The following OCIAD1 variants were observed in gnomAD, a reference collection of about 807,000 sequenced individuals.
OCIAD1 encodes OCIA domain containing 1.
In OCIAD1, 29 loss-of-function variants were observed where a neutral mutation model predicts 38.9. That is an observed-to-expected ratio of 0.74 (90% CI 0.55 to 1.02). The LOEUF (loss-of-function observed/expected upper bound fraction) is 1.02, where lower values mean the gene tolerates loss of function less well. OCIAD1 is among the 50% of genes least tolerant of loss of function. The pLI, the probability that OCIAD1 is intolerant of heterozygous loss-of-function variation, is 0.00. For missense variants in OCIAD1, 288 were observed against 289.6 expected (o/e 0.99, Z 0.04); for synonymous variants, 110 against 92.0 (o/e 1.20, Z -1.12).
intron 1 of OCIAD1, among the ~76,000 whole-genome samples, chr4:48,821,651 G>A (rs1777195098): frequency 6.6e-6 from 1 of 152,112 alleles, no homozygotes; most frequent in Non-Finnish European, 1.5e-5. Context: ...AAACCACATT[G>A]TCTCAGCCCA....
At chr4:48,845,738 T>A (rs1017810743) in intron 4 of OCIAD1, among the ~76,000 whole-genome samples, 2 of 152,142 alleles carry the variant, frequency 1.3e-5, no homozygotes, top group Non-Finnish European at 2.9e-5. Context: ...CATGACTGAG[T>A]GGTGTTAGTA....
intron 1 of OCIAD1, among the ~76,000 whole-genome samples, chr4:48,808,488 GAAA>G (rs942641464): frequency 6.8e-6 from 1 of 146,594 alleles, no homozygotes; most frequent in Non-Finnish European, 1.5e-5. Flanking sequence ...AAAAAACAAA[GAAA>G]AAAAAAAGGA....
rs1415642763 is a variant in OCIAD1, at chr4:48,814,255, T to A, written c.-103+8925T>A. Among the ~76,000 whole-genome samples, 50 of 150,798 alleles carry A rather than the reference T, an allele frequency of 3.3e-4. No individual in the cohort carries two copies. In the East Asian group the frequency reaches 8.9e-3, roughly 27 times the overall value. On this transcript the variant is annotated intron_variant, in intron 1 of 6. Transcript: ENST00000504654. ...TGTGGAGGGGTTTTTTTTTTTTTTTTAATCCTTGCCTCTGCCTGAAAATGA... is the reference window on the plus strand; with the variant it reads ...TGTGGAGGGGTTTTTTTTTTTTTTTAAATCCTTGCCTCTGCCTGAAAATGA...
At position 48,861,232 on chromosome 4, in the gene OCIAD1, TGTAAA is replaced by T. The variant is rs551343824; in HGVS notation, c.*472_*476del. ...ATCTTAATGTTTATGGCAAATAAAA[TGTAAA>T]GGAACATGCAACAGCCCTCATCTTC... On this transcript the variant is annotated 3_prime_UTR_variant, in exon 9 of 9. Coordinates refer to ENST00000264312, the MANE Select transcript of OCIAD1 (RefSeq NM_017830.4). The T allele has an allele frequency of 1.6e-3, 252 of 153,300 alleles. No individual in the cohort carries two copies. Among genetic ancestry groups the T allele is most frequent in the Middle Eastern group, 3.3e-3 (1 of 300 alleles). 9.5% of individuals were successfully genotyped at this position (153,300 alleles called of 1,614,324 possible).
At position 48,833,390 on chromosome 4, in the gene OCIAD1, C is replaced by G; in HGVS notation, c.59-11C>G. On this transcript the variant is annotated splice_polypyrimidine_tract_variant and intron_variant, in intron 2 of 8. Coordinates refer to ENST00000264312, the MANE Select transcript of OCIAD1 (RefSeq NM_017830.4). The stretch of plus-strand genomic sequence containing the variant: ...ATAATTTAATGTTTTCTGATTTTCC[C>G]TGGTAAAAAGACATAGGGCCTGATT... 1 of 1,510,146 alleles carries G rather than the reference C, an allele frequency of 6.6e-7. No individual in the cohort carries two copies. The highest frequency in any genetic ancestry group is 1.7e-4 in the Middle Eastern group (1 of 5,796). The allele number at this position is 1,510,146 out of a possible 1,614,324, so 93.5% of individuals were successfully genotyped here. A position where few individuals can be genotyped will look rare whatever the true frequency, so the allele number is the denominator to read the frequency against.
At chr4:48,852,114 T>G in intron 7 of OCIAD1, 139 bp downstream of exon 7, 1 of 640,962 alleles carries the variant, frequency 1.6e-6, no homozygotes, top group Non-Finnish European at 2.6e-6. Flanking sequence ...TGTTTGTTCA[T>G]TTGTTTCTTC....
At chr4:48,831,270 A>G (rs1429830235) in intron 1 of OCIAD1, 21 bp downstream of exon 1, 1 of 347,372 alleles carries the variant, frequency 2.9e-6, no homozygotes, top group East Asian at 7.7e-5. Flanking sequence ...TGACGCAAAC[A>G]GCCCCGTTGT....
At chr4:48,820,158 C>T (rs115505504) in intron 1 of OCIAD1, among the ~76,000 whole-genome samples, 2,796 of 152,130 alleles carry the variant, frequency 0.018, 40 homozygotes, top group Non-Finnish European at 0.029. Flanking sequence ...GAAGTAAAAC[C>T]CTCCTTAGCA....
intron 4 of OCIAD1, among the ~76,000 whole-genome samples, chr4:48,845,202 C>T (rs567856251): frequency 6.1e-4 from 93 of 152,300 alleles, no homozygotes; most frequent in African/African-American, 2.2e-3. Context: ...CCAACTGCCT[C>T]ATATTTGAAG....
At chr4:48,823,254 G>A (rs1777212296) in intron 1 of OCIAD1, among the ~76,000 whole-genome samples, 1 of 152,164 alleles carries the variant, frequency 6.6e-6, no homozygotes, top group South Asian at 2.1e-4. Flanking sequence ...CATGGTTGAA[G>A]CTGGAAACCA....
intron 7 of OCIAD1, among the ~76,000 whole-genome samples, chr4:48,853,476 A>AT (rs1051211590): frequency 6.6e-6 from 1 of 152,070 alleles, no homozygotes; most frequent in African/African-American, 2.4e-5. Flanking sequence ...TGGATAAGGG[A>AT]TTATGGACCT....
intron 1 of OCIAD1, among the ~76,000 whole-genome samples, chr4:48,820,711 G>A (rs1272360663): frequency 6.6e-6 from 1 of 152,056 alleles, no homozygotes; most frequent in Non-Finnish European, 1.5e-5. Flanking sequence ...AAATGATAAA[G>A]GTGATATCAC....
intron 3 of OCIAD1, among the ~76,000 whole-genome samples, chr4:48,841,213 C>T (rs2712156): frequency 0.42 from 63,081 of 151,936 alleles, 14,428 homozygotes; most frequent in Admixed American, 0.58. Flanking sequence ...AGAGATTGGC[C>T]CACAAAACCC....
chr4:48,811,898 T>C (rs1315852237), intron 1 of OCIAD1, among the ~76,000 whole-genome samples: 1 of 151,808 alleles, frequency 6.6e-6, no homozygotes, highest in Non-Finnish European at 1.5e-5. Context: ...GACCAGGAAT[T>C]TGGTTTGAGG....
intron 7 of OCIAD1, among the ~76,000 whole-genome samples, chr4:48,852,882 G>GTTTTTTGTTTTTGTTTTTTTTTTTTTTT (rs1553901200): frequency 7.9e-6 from 1 of 126,338 alleles, no homozygotes; most frequent in African/African-American, 3.2e-5. Context: ...TTTGTTTTTT[G>GTTTTTTGTTTTTGTTTTTTTTTTTTTTT]TTTTTTTTTT....
chr4:48,858,522 T>C (rs1488028759), intron 8 of OCIAD1, among the ~76,000 whole-genome samples: 1 of 152,186 alleles, frequency 6.6e-6, no homozygotes, highest in Non-Finnish European at 1.5e-5. Context: ...GGTGTAATCA[T>C]GGCTTACTGC....
At chr4:48,839,548 A>G (rs1778334010) in intron 3 of OCIAD1, among the ~76,000 whole-genome samples, 1 of 152,158 alleles carries the variant, frequency 6.6e-6, no homozygotes, top group South Asian at 2.1e-4. Flanking sequence ...TCTGTGCTAT[A>G]CTTTTCTTAT....
chr4:48,826,700 T>C (rs528793637), upstream of OCIAD1, among the ~76,000 whole-genome samples: 1 of 152,344 alleles, frequency 6.6e-6, no homozygotes, highest in Admixed American at 6.5e-5. Flanking sequence ...ACAATTATTA[T>C]GTCAATTAAA....
At position 48,860,760 on chromosome 4, in the gene OCIAD1, T is replaced by C. The variant is rs1336042556; in HGVS notation, c.736T>C (p.Ter246ArgextTer20). ...CAAGTATGGAGATACTTGGGATGAGTGAAAAATTACATCATTGGACATGAA... is the reference window on the plus strand; with the variant it reads ...CAAGTATGGAGATACTTGGGATGAGCGAAAAATTACATCATTGGACATGAA... ...VNKYGDTWDE[*>R] is the part of the protein sequence containing the mutation. The change falls in exon 9 of 9, where the codon TGA becomes CGA. Residue 246 changes from the stop codon to arginine (R), a stop_lost. Coordinates refer to ENST00000264312, the MANE Select transcript of OCIAD1 (RefSeq NM_017830.4). 1 of 1,604,238 alleles carries C rather than the reference T, an allele frequency of 6.2e-7. No homozygotes were observed. Among genetic ancestry groups the C allele is most frequent in the East Asian group, 2.2e-5 (1 of 44,734 alleles).
Sources: allele counts gnomAD v4.1 joint callset (sites outside exome capture counted in the v4.1 genomes callset), GRCh38; gene constraint gnomAD v4.1.1; transcripts MANE v1.5; gene names NCBI Gene and HGNC (gene_info 2026-07-23, HGNC 2026-07-21).